KCNIP1: variants seen among roughly 807,000 people sequenced by gnomAD.
KCNIP1 encodes potassium voltage-gated channel interacting protein 1.
KCNIP1 carries 18 observed loss-of-function variants against 33.0 expected under a neutral mutation model. That is an observed-to-expected ratio of 0.55 (90% CI 0.38 to 0.81). The LOEUF (loss-of-function observed/expected upper bound fraction) is 0.81. Ranked by LOEUF, KCNIP1 falls within the 30% of genes least tolerant of loss-of-function variation. The pLI is 0.00. For missense variants in KCNIP1, 238 were observed against 271.6 expected, an observed-to-expected ratio of 0.88 and a Z score of 0.87; for synonymous variants, 93 against 98.3, an observed-to-expected ratio of 0.95 and a Z score of 0.32.
chr5:170,477,332 A>G (rs1018157457), intron 1 of KCNIP1, among the ~76,000 whole-genome samples: 5 of 151,200 alleles, frequency 3.3e-5, no homozygotes, highest in Non-Finnish European at 7.4e-5. Flanking sequence ...ACATATATAT[A>G]TATACACATA....
chr5:170,416,720 G>C (rs1755341369), intron 1 of KCNIP1, among the ~76,000 whole-genome samples: 2 of 149,468 alleles, frequency 1.3e-5, no homozygotes, highest in Admixed American at 1.3e-4. Flanking sequence ...AAAAAAAAAA[G>C]TGCAGCTCAC....
At chr5:170,626,634 T>G (rs1759837002) in intron 1 of KCNIP1, among the ~76,000 whole-genome samples, 1 of 152,146 alleles carries the variant, frequency 6.6e-6, no homozygotes, top group Non-Finnish European at 1.5e-5. Context: ...GGCTGCTGAC[T>G]CCGGGGCCCC....
chr5:170,720,447 C>A, intron 3 of KCNIP1, 57 bp downstream of exon 3: 1 of 1,357,722 alleles, frequency 7.4e-7, no homozygotes, highest in Non-Finnish European at 1.1e-6. Context: ...AGCAGCCTTC[C>A]CTTCCTCCAA....
rs577693912 is a variant in KCNIP1, at chr5:170,480,452, G to A, written c.88+126488G>A. ...GAGACCAGAGTGTTTCCTAAAGTGC[G>A]CTTCATCTCCTAGGAGACTAGGGAT... On this transcript the variant is annotated intron_variant, in intron 1 of 7. Transcript: ENST00000377360. Among the ~76,000 whole-genome samples, 12 of 150,570 alleles carry A rather than the reference G, an allele frequency of 8.0e-5. No individual in the cohort carries two copies. In the South Asian group the frequency reaches 1.9e-3, roughly 24 times the overall value.
chr5:170,610,515 G>A (rs1759103477), intron 1 of KCNIP1, among the ~76,000 whole-genome samples: 1 of 152,200 alleles, frequency 6.6e-6, no homozygotes, highest in Non-Finnish European at 1.5e-5. Context: ...TGAAAGCCTG[G>A]AGAATATCCC....
intron 1 of KCNIP1, among the ~76,000 whole-genome samples, chr5:170,514,123 G>A (rs1376087865): frequency 6.6e-6 from 1 of 152,174 alleles, no homozygotes. Flanking sequence ...GGAAGAGGCT[G>A]AGCAGTTACA....
At chr5:170,422,112 G>A (rs548551544) in intron 1 of KCNIP1, 1 of 152,330 alleles carries the variant, frequency 6.6e-6, no homozygotes, top group South Asian at 2.1e-4. Context: ...TGTGACTTGT[G>A]CCTTGAAGGA....
intron 1 of KCNIP1, among the ~76,000 whole-genome samples, chr5:170,493,573 A>T (rs560994132): frequency 2.2e-4 from 33 of 152,204 alleles, no homozygotes; most frequent in African/African-American, 7.9e-4. Context: ...GAGCCCATAG[A>T]TGGGGTTAGT....
At chr5:170,363,497 C>G (rs1379734272) in intron 1 of KCNIP1, among the ~76,000 whole-genome samples, 1 of 152,202 alleles carries the variant, frequency 6.6e-6, no homozygotes, top group Non-Finnish European at 1.5e-5. Flanking sequence ...AGATGGCCAA[C>G]TACAAGCCAG....
At chr5:170,628,036 C>T (rs1314093078) in intron 1 of KCNIP1, among the ~76,000 whole-genome samples, 1 of 152,242 alleles carries the variant, frequency 6.6e-6, no homozygotes, top group Non-Finnish European at 1.5e-5. Flanking sequence ...CTTCCTTCTG[C>T]TCCTGCTTTG....
chr5:170,540,009 C>T (rs1046049963), intron 1 of KCNIP1, among the ~76,000 whole-genome samples: 2 of 152,136 alleles, frequency 1.3e-5, no homozygotes, highest in South Asian at 2.1e-4. Context: ...AATAAAGGAA[C>T]GATCTTTCAA....
In KCNIP1 at chr5:170,628,493, T is replaced by C. The variant is rs143534667; in HGVS notation, c.62-90265T>C. The stretch of plus-strand genomic sequence containing the variant: ...TCTCTAACTCCAAAGGGCGTGTGTG[T>C]GTGTGTGCGTTTCTGGCCATAATCA... On this transcript the variant is annotated intron_variant, in intron 1 of 7. Coordinates refer to ENST00000328939, the MANE Select transcript of KCNIP1 (RefSeq NM_014592.4). 3.2e-4 allele frequency among the ~76,000 whole-genome samples: 49 copies of C among 152,260 alleles called. No individual in the cohort carries two copies. The East Asian group carries it at 9.1e-3, about 28-fold the overall frequency.
intron 1 of KCNIP1, among the ~76,000 whole-genome samples, chr5:170,570,035 T>G (rs2113483135): frequency 6.6e-6 from 1 of 152,300 alleles, no homozygotes; most frequent in African/African-American, 2.4e-5. Context: ...TCCCTGCCCA[T>G]CTGCAACACT....
At chr5:170,522,731 C>T (rs1181906925) in intron 1 of KCNIP1, among the ~76,000 whole-genome samples, 1 of 152,252 alleles carries the variant, frequency 6.6e-6, no homozygotes, top group African/African-American at 2.4e-5. Flanking sequence ...GCCACATCCA[C>T]ACCCCACGGG....
intron 5 of KCNIP1, among the ~76,000 whole-genome samples, chr5:170,732,211 G>T (rs955921486): frequency 1.3e-5 from 2 of 152,180 alleles, no homozygotes; most frequent in African/African-American, 4.8e-5. Context: ...ATTCTGAGTT[G>T]GGCCAGAATG....
intron 1 of KCNIP1, among the ~76,000 whole-genome samples, chr5:170,706,132 C>T (rs544890063): frequency 6.6e-6 from 1 of 152,230 alleles, no homozygotes; most frequent in African/African-American, 2.4e-5. Context: ...GCTCACATGG[C>T]CAGCTTCCAT....
intron 5 of KCNIP1, among the ~76,000 whole-genome samples, chr5:170,730,566 G>T (rs141198304): frequency 5.4e-4 from 82 of 152,210 alleles, no homozygotes; most frequent in Non-Finnish European, 7.6e-4. Context: ...AAGCATCAAT[G>T]GCCATGTAGA....
chr5:170,611,076 C>T (rs769644090), intron 1 of KCNIP1, among the ~76,000 whole-genome samples: 55 of 152,232 alleles, frequency 3.6e-4, no homozygotes, highest in Non-Finnish European at 7.1e-4. Flanking sequence ...GATTCCAGGC[C>T]TTCTGGCTTG....
intron 1 of KCNIP1, among the ~76,000 whole-genome samples, chr5:170,444,744 A>C (rs1422722972): frequency 6.6e-6 from 1 of 151,076 alleles, no homozygotes; most frequent in Non-Finnish European, 1.5e-5. Flanking sequence ...TTTCCTTTAG[A>C]CCTCAGGACT....
Sources: gnomAD v4.1 joint callset for allele counts (sites outside exome capture counted in the v4.1 genomes callset) on GRCh38, gnomAD v4.1.1 for gene constraint, MANE v1.5 for transcripts, NCBI Gene and HGNC (gene_info 2026-07-23, HGNC 2026-07-21) for gene names.